The following NKIRAS1 variants were observed in gnomAD, a reference collection of about 807,000 sequenced individuals.
The protein encoded by NKIRAS1 is NF-kappa-B inhibitor-interacting Ras-like protein 1.
A neutral mutation model predicts 19.8 loss-of-function variants in NKIRAS1; 16 were observed. The ratio of observed to expected loss-of-function variants is 0.81; its 90% confidence interval spans 0.55 to 1.23. NKIRAS1 has a LOEUF of 1.23. Ranked by LOEUF, NKIRAS1 falls within the 50% of genes most tolerant of loss-of-function variation. NKIRAS1 has a pLI of 0.00. For missense variants in NKIRAS1, 184 were observed against 220.0 expected, an observed-to-expected ratio of 0.84 and a Z score of 1.04; for synonymous variants, 88 against 79.0, an observed-to-expected ratio of 1.11 and a Z score of -0.61.
rs202203699 is a variant in NKIRAS1, at chr3:23,900,942, C to T, written c.202G>A (p.Gly68Ser). Reference protein sequence around the residue: ...HLYDTRGLQEGVELPKHYFSF... With the variant: ...HLYDTRGLQESVELPKHYFSF... The stretch of plus-strand genomic sequence containing the variant: ...AAATAATGCTTTGGCAGCTCCACGC[C>T]TTCCTGTAGACCTCTGGTGTCATAA... The change falls in exon 4 of 5, where the codon GGC (glycine) becomes AGC (serine). Residue 68 changes from glycine (G) to serine (S), a missense_variant. Coordinates refer to ENST00000425478, the MANE Select transcript of NKIRAS1 (RefSeq NM_020345.4). 1.9e-6 allele frequency: 3 copies of T among 1,614,198 alleles called. No homozygotes were observed. Among genetic ancestry groups the T allele is most frequent in the Non-Finnish European group, 1.7e-6 (2 of 1,180,028 alleles).
At chr3:23,919,599 GTTTC>G, upstream of NKIRAS1, 3 of 1,424,732 alleles carry the variant, frequency 2.1e-6, no homozygotes, top group Non-Finnish European at 2.7e-6. Context: ...GTCTGCAGAT[GTTTC>G]TTGAATGCTT....
At chr3:23,944,195 G>C (rs984434871) in intron 1 of NKIRAS1, among the ~76,000 whole-genome samples, 4 of 152,204 alleles carry the variant, frequency 2.6e-5, no homozygotes, top group African/African-American at 7.2e-5. Context: ...ACATAATTTT[G>C]CTGGCTTCAG....
At chr3:23,912,242 C>A (rs912880503) in intron 1 of NKIRAS1, among the ~76,000 whole-genome samples, 1 of 152,158 alleles carries the variant, frequency 6.6e-6, no homozygotes, top group Non-Finnish European at 1.5e-5. Flanking sequence ...AAACTACCAT[C>A]AGAGTCAACA....
At chr3:23,920,363 A>G (rs899567598), upstream of NKIRAS1, 5 of 985,404 alleles carry the variant, frequency 5.1e-6, no homozygotes, top group African/African-American at 7.0e-5. Context: ...AGGCTACAGA[A>G]AAAGTCACAA....
upstream of NKIRAS1, chr3:23,920,466 A>G (rs186867661): frequency 1.5e-5 from 15 of 985,380 alleles, no homozygotes; most frequent in East Asian, 1.7e-3. Context: ...ACAAAGTTGG[A>G]CCATCACTTG....
In NKIRAS1 at chr3:23,900,837, C is replaced by T. The variant is rs1237915809; in HGVS notation, c.307G>A (p.Glu103Lys). The change falls in exon 4 of 5, where the codon GAA (glutamate) becomes AAA (lysine). Residue 103 changes from glutamate to lysine, a missense_variant. Transcript: ENST00000425478. ...TTTTTGTCTTTGAACTTATCGATTT[C>T]TTTCTTCAGAAGCTCCACTCTTTGA... ...SFQRVELLKK[E>K]IDKFKDKKEV... The T allele has an allele frequency of 6.2e-7, 1 of 1,613,722 alleles. No individual in the cohort carries two copies. The highest frequency in any genetic ancestry group is 1.3e-5 in the African/African-American group (1 of 74,900).
intron 3 of NKIRAS1, among the ~76,000 whole-genome samples, chr3:23,901,851 TC>T (rs1285309629): frequency 1.3e-5 from 2 of 152,184 alleles, no homozygotes; most frequent in East Asian, 3.8e-4. Flanking sequence ...GGTGGGCAGA[TC>T]ACCTGAGGTC....
intron 4 of NKIRAS1, among the ~76,000 whole-genome samples, chr3:23,894,052 A>G (rs1266517644): frequency 1.3e-5 from 2 of 152,208 alleles, no homozygotes; most frequent in Non-Finnish European, 2.9e-5. Context: ...TTGTGTTCAC[A>G]TTATTCACAA....
In NKIRAS1 at chr3:23,913,271, T is replaced by C. The variant is rs111731303; in HGVS notation, c.-139-1821A>G. 2.4e-3 allele frequency among the ~76,000 whole-genome samples: 360 copies of C among 152,240 alleles called. 1 individual carries two copies. Among genetic ancestry groups the C allele is most frequent in the African/African-American group, 7.4e-3 (308 of 41,566 alleles). On this transcript the variant is annotated intron_variant, in intron 1 of 4. Coordinates refer to ENST00000425478, the MANE Select transcript of NKIRAS1 (RefSeq NM_020345.4). ...TGGGCAAACGGTAAAAGTAACTGAA[T>C]AAAAGTAGCTCAAAACACTAGCTAA...
chr3:23,945,491 CCCGGG>C, intron 1 of NKIRAS1: 6 of 840,120 alleles, frequency 7.1e-6, no homozygotes, highest in African/African-American at 1.9e-5. Context: ...CTGCTTCCAG[CCCGGG>C]GCGGCGCGGC....
chr3:23,892,537 A>G lies in NKIRAS1; in HGVS notation c.*558T>C, dbSNP rs951224509. ...AACTCATGCTAAACATTCTAATTTG[A>G]GCAAAGCTAAATCATGGGTCTTAGT... is the stretch of plus-strand genomic sequence containing the variant. On this transcript the variant is annotated 3_prime_UTR_variant, in exon 5 of 5. Transcript: ENST00000425478. 6.6e-6 allele frequency: 1 copy of G among 152,244 alleles called. No homozygotes were observed. Among genetic ancestry groups the G allele is most frequent in the Non-Finnish European group, 1.5e-5 (1 of 68,058 alleles). 9.4% of individuals were successfully genotyped at this position (152,244 alleles called of 1,614,324 possible).
At chr3:23,915,187 G>GA (rs1287036029) in intron 1 of NKIRAS1, among the ~76,000 whole-genome samples, 1 of 152,184 alleles carries the variant, frequency 6.6e-6, no homozygotes, top group Non-Finnish European at 1.5e-5. Flanking sequence ...CTTTATAAGA[G>GA]ACACACAGGA....
chr3:23,890,265 A>G lies in NKIRAS1; in HGVS notation c.*2830T>C, dbSNP rs1409598979. Among the ~76,000 whole-genome samples the G allele has an allele frequency of 1.3e-5, 2 of 152,132 alleles. No individual in the cohort carries two copies. The highest frequency in any genetic ancestry group is 2.9e-5 in the Non-Finnish European group (2 of 68,026). ...CCAATTGAGTGTTGTTTGTTGGGAG[A>G]AAAATGGAATGAACTAAGATAAAGA... On this transcript the variant is annotated 3_prime_UTR_variant, in exon 5 of 5. Transcript: ENST00000425478.
chr3:23,913,635 A>G (rs191333009), intron 1 of NKIRAS1, among the ~76,000 whole-genome samples: 41 of 152,354 alleles, frequency 2.7e-4, no homozygotes, highest in Non-Finnish European at 5.3e-4. Flanking sequence ...ATGCTTAGAT[A>G]TTTTCAGATT....
rs397935703 is a variant in NKIRAS1, at chr3:23,936,106, A to AAAAC, written c.-140+10216_-140+10217insGTTT. On this transcript the variant is annotated intron_variant, in intron 1 of 4. Transcript: ENST00000421515. ...TCAAAAAAAAAAAAAAAAAAAAAAA[A>AAAAC]GCGGGGTTGGGGAGCTCATTGGTGA... Among the ~76,000 whole-genome samples the AAAAC allele has an allele frequency of 8.2e-5, 12 of 146,552 alleles. No individual in the cohort carries two copies. In the East Asian group the frequency reaches 2.4e-3, roughly 29 times the overall value.
chr3:23,910,152 C>T (rs1703533398), intron 3 of NKIRAS1, among the ~76,000 whole-genome samples: 2 of 126,900 alleles, frequency 1.6e-5, no homozygotes, highest in Non-Finnish European at 3.2e-5. Context: ...CCACTGCGCT[C>T]GGCCTTTTTT....
At chr3:23,934,343 T>C (rs1705360392) in intron 1 of NKIRAS1, among the ~76,000 whole-genome samples, 3 of 152,210 alleles carry the variant, frequency 2.0e-5, no homozygotes, top group African/African-American at 7.2e-5. Flanking sequence ...CCTTATGCTC[T>C]GCCATGGGTA....
At chr3:23,942,934 G>A (rs1705533939) in intron 1 of NKIRAS1, among the ~76,000 whole-genome samples, 2 of 152,026 alleles carry the variant, frequency 1.3e-5, no homozygotes, top group African/African-American at 4.8e-5. Context: ...TTTTTGTAGA[G>A]ATGGAGTTTC....
chr3:23,911,328 C>T lies in NKIRAS1; in HGVS notation c.-18+1G>A, dbSNP rs1233939601. On this transcript the variant is annotated splice_donor_variant, in intron 2 of 4. Coordinates refer to ENST00000425478, the MANE Select transcript of NKIRAS1 (RefSeq NM_020345.4). LOFTEE classifies it low-confidence loss of function (5UTR_SPLICE). ...AATTAGCCAGGCGTGGTGGCACTCA[C>T]CTGTAATCCCAGCTACTGGGGAGGC... The T allele has an allele frequency of 6.2e-6, 1 of 162,048 alleles. No homozygotes were observed. The highest frequency in any genetic ancestry group is 2.4e-5 in the African/African-American group (1 of 41,496). 10.0% of individuals were successfully genotyped at this position (162,048 alleles called of 1,614,324 possible).
Sources: allele counts gnomAD v4.1 joint callset (sites outside exome capture counted in the v4.1 genomes callset), GRCh38; gene constraint gnomAD v4.1.1; transcripts MANE v1.5; gene names NCBI Gene and HGNC (gene_info 2026-07-23, HGNC 2026-07-21).